The following C2orf42 variants were observed in gnomAD, a reference collection of about 807,000 sequenced individuals.
The protein encoded by C2orf42 is chromosome 2 open reading frame 42, also known as uncharacterized protein C2orf42.
C2orf42 carries 44 observed loss-of-function variants against 58.9 expected under a neutral mutation model. The observed-to-expected ratio is 0.75, with a 90% CI of 0.59 to 0.96. C2orf42 has a LOEUF of 0.96. C2orf42 is among the 40% of genes least tolerant of loss of function. The probability of loss-of-function intolerance (pLI) is 0.00; values close to 1 mark genes in which losing one functional copy is unlikely to be tolerated. For missense variants in C2orf42, 630 were observed against 699.2 expected (o/e 0.90, Z 1.12); for synonymous variants, 239 against 265.4 (o/e 0.90, Z 0.97).
chr2:70,188,579 C>A (rs1456929690), intron 1 of C2orf42, among the ~76,000 whole-genome samples: 1 of 152,176 alleles, frequency 6.6e-6, no homozygotes, highest in Non-Finnish European at 1.5e-5. Flanking sequence ...CCAAACACCA[C>A]TCACCCAGTT....
At chr2:70,177,311 G>A (rs1003205174) in intron 4 of C2orf42, among the ~76,000 whole-genome samples, 1 of 151,830 alleles carries the variant, frequency 6.6e-6, no homozygotes, top group Non-Finnish European at 1.5e-5. Context: ...GTGGTGGCAG[G>A]AGCCTGTAAT....
rs1368276968 is a variant in C2orf42, at chr2:70,181,270, T to A, written c.716A>T (p.Asp239Val). 6.2e-7 allele frequency: 1 copy of A among 1,613,460 alleles called. No individual in the cohort carries two copies. Among genetic ancestry groups the A allele is most frequent in the Non-Finnish European group, 8.5e-7 (1 of 1,179,616 alleles). The change falls in exon 3 of 10, where the codon GAT (aspartate) becomes GTT (valine). Residue 239 changes from aspartate to valine, a missense_variant. By Grantham distance (152) the Asp-to-Val change is radical. Transcript: ENST00000264434. ...ATGAATGCATCTCTGGGCTGTCTCA[T>A]CCTTGGAGGCATTTGACTTGTGCGA... is the stretch of plus-strand genomic sequence containing the variant. Reference protein sequence around the residue: ...LKSHKSNASKDETAQRCIHFF... With the variant: ...LKSHKSNASKVETAQRCIHFF...
At position 70,154,621 on chromosome 2, in the gene C2orf42, A is replaced by G. The variant is rs1672543112; in HGVS notation, c.1517-4057T>C. Among the ~76,000 whole-genome samples the G allele has an allele frequency of 4.6e-5, 7 of 152,236 alleles. No individual in the cohort carries two copies. In the South Asian group the frequency reaches 1.5e-3, roughly 32 times the overall value. On this transcript the variant is annotated intron_variant, in intron 9 of 9. Transcript: ENST00000264434. ...TGTAACTACTAAAAGAAGAACAAAT[A>G]AGTGTTTCTTCTAATAAATGGTTTG...
chr2:70,178,893 C>A (rs2104956850), intron 4 of C2orf42, among the ~76,000 whole-genome samples: 1 of 151,438 alleles, frequency 6.6e-6, no homozygotes, highest in East Asian at 1.9e-4. Flanking sequence ...CCACTGCACT[C>A]CAGCCTGGGC....
Position 70,167,359 on chromosome 2 carries a change from A to C in C2orf42, c.1145-1724T>G, listed in dbSNP as rs573563932. Reference sequence around the variant, plus strand: ...GGCGACAGAGTGAGACTCTGTCTCAAAAAAAAAAAAAGAAAAGAAACTTGT... The same window carrying C: ...GGCGACAGAGTGAGACTCTGTCTCACAAAAAAAAAAAGAAAAGAAACTTGT... On this transcript the variant is annotated intron_variant, in intron 6 of 9. Transcript: ENST00000264434. Among the ~76,000 whole-genome samples, 70 of 147,832 alleles carry C rather than the reference A, an allele frequency of 4.7e-4. No homozygotes were observed. In the South Asian group the frequency reaches 0.014, roughly 30 times the overall value.
At position 70,164,988 on chromosome 2, in the gene C2orf42, C is replaced by T. The variant is rs188715061; in HGVS notation, c.1353+104G>A. 8.8e-4 allele frequency: 468 copies of T among 532,494 alleles called. 4 individuals are homozygous for T. The East Asian group carries it at 0.013, about 14-fold the overall frequency. The allele number at this position is 532,494 out of a possible 1,614,324, so 33.0% of individuals were successfully genotyped here. ...TATCTCTTAGCATGAAAAAAAGAAA[C>T]TCTGGTGTCTGTAACTCAAGGAACC... On this transcript the variant is annotated intron_variant, in intron 8 of 9. Coordinates refer to ENST00000264434, the MANE Select transcript of C2orf42 (RefSeq NM_017880.3).
In C2orf42 at chr2:70,165,199, C is replaced by A; in HGVS notation, c.1253-7G>T. 6.4e-7 allele frequency: 1 copy of A among 1,564,948 alleles called. No individual in the cohort carries two copies. Among genetic ancestry groups the A allele is most frequent in the Non-Finnish European group, 8.7e-7 (1 of 1,143,788 alleles). The stretch of plus-strand genomic sequence containing the variant: ...GCATCTTTCCGAACAAAAGCTTCAA[C>A]GTGAAAAAAGGACAAAATTAGATTA... On this transcript the variant is annotated splice_region_variant and splice_polypyrimidine_tract_variant and intron_variant, in intron 7 of 9. Transcript: ENST00000264434.
intron 9 of C2orf42, among the ~76,000 whole-genome samples, chr2:70,152,361 C>G (rs1314846647): frequency 6.6e-6 from 1 of 152,150 alleles, no homozygotes; most frequent in Non-Finnish European, 1.5e-5. Flanking sequence ...CAAATGATAT[C>G]TGGAGCTGCT....
chr2:70,184,215 T>TAC (rs1333504843), intron 1 of C2orf42, among the ~76,000 whole-genome samples: 6 of 132,348 alleles, frequency 4.5e-5, no homozygotes, highest in African/African-American at 1.2e-4. Flanking sequence ...AATCAGTGGA[T>TAC]AGAAGATGTA....
At chr2:70,150,684 T>G in intron 9 of C2orf42, 120 bp from the exon 10 acceptor site, 1 of 670,132 alleles carries the variant, frequency 1.5e-6, no homozygotes. Context: ...GAAGGCCGAA[T>G]GAGGTTTATA....
Position 70,181,902 on chromosome 2 carries a change from A to G in C2orf42, c.84T>C (p.Cys28=), listed in dbSNP as rs1674606161. ...GKATLRGIRK[C]PRCGTYNGTR... is the part of the protein sequence containing the mutation. ...TTCCATTGTATGTGCCACATCGGGGACACTTTCTGATTCCCCTCAATGTGG... is the reference window on the plus strand; with the variant it reads ...TTCCATTGTATGTGCCACATCGGGGGCACTTTCTGATTCCCCTCAATGTGG... The change falls in exon 3 of 10, where the codon TGT becomes TGC. Residue 28 remains cysteine (C), a synonymous_variant. Transcript: ENST00000264434. The G allele has an allele frequency of 6.2e-7, 1 of 1,613,628 alleles. No homozygotes were observed. The highest frequency in any genetic ancestry group is 1.3e-5 in the African/African-American group (1 of 74,890).
At position 70,160,579 on chromosome 2, in the gene C2orf42, C is replaced by T. The variant is rs748277376; in HGVS notation, c.1516+46G>A. ...GCTTTGGACAGTGTACTGTACTGTT[C>T]ACCAGCTGACACTCAAAGGAAGATG... On this transcript the variant is annotated intron_variant, in intron 9 of 9. Transcript: ENST00000264434. The T allele has an allele frequency of 2.8e-6, 4 of 1,419,310 alleles. No homozygotes were observed. In the Admixed American group the frequency reaches 7.4e-5, roughly 26 times the overall value. 87.9% of individuals were successfully genotyped at this position (1,419,310 alleles called of 1,614,324 possible).
At chr2:70,166,355 A>G (rs1234362095) in intron 6 of C2orf42, among the ~76,000 whole-genome samples, 3 of 149,774 alleles carry the variant, frequency 2.0e-5, no homozygotes, top group Non-Finnish European at 4.4e-5. Flanking sequence ...CCCTCCCTCA[A>G]AAAGGAAAAA....
At chr2:70,158,250 A>G (rs1672812010) in intron 9 of C2orf42, among the ~76,000 whole-genome samples, 1 of 151,976 alleles carries the variant, frequency 6.6e-6, no homozygotes, top group East Asian at 1.9e-4. Flanking sequence ...ACCTCAAAAT[A>G]ATAAAACTAG....
intron 1 of C2orf42, among the ~76,000 whole-genome samples, chr2:70,183,669 G>A (rs1362578043): frequency 2.0e-5 from 3 of 149,496 alleles, no homozygotes; most frequent in African/African-American, 7.4e-5. Context: ...GCCCACCTCA[G>A]ACTCCCAAAG....
intron 6 of C2orf42, among the ~76,000 whole-genome samples, chr2:70,165,997 C>T (rs74183142): frequency 0.22 from 32,704 of 151,408 alleles, 3,789 homozygotes; most frequent in Non-Finnish European, 0.24. Context: ...TTCAAGCAAT[C>T]CTCCTGCCTC....
chr2:70,168,720 C>T (rs1239508576), intron 6 of C2orf42, among the ~76,000 whole-genome samples: 7 of 142,816 alleles, frequency 4.9e-5, no homozygotes, highest in Non-Finnish European at 9.2e-5. Context: ...GTTTATGTCC[C>T]TTTTTTTTTT....
Position 70,181,534 on chromosome 2 carries a change from A to G in C2orf42, c.452T>C (p.Leu151Pro). 1 of 1,613,686 alleles carries G rather than the reference A, an allele frequency of 6.2e-7. No homozygotes were observed. ...NCQAEATPLTLKSSVLNAMQA... is the reference protein window; with the variant it reads ...NCQAEATPLTPKSSVLNAMQA... The stretch of plus-strand genomic sequence containing the variant: ...CATTGCATTCAGGACCGAGCTCTTC[A>G]GGGTCAGAGGGGTGGCCTCTGCCTG... The change falls in exon 3 of 10, where the codon CTG becomes CCG. Residue 151 changes from leucine (L) to proline (P), a missense_variant. Physicochemically the swap from Leu to Pro is moderately conservative, Grantham distance 98. Transcript: ENST00000264434.
intron 6 of C2orf42, among the ~76,000 whole-genome samples, chr2:70,168,384 T>C (rs1308626909): frequency 2.2e-5 from 3 of 134,816 alleles, no homozygotes; most frequent in Middle Eastern, 3.7e-3. Flanking sequence ...ACCTCCTGGG[T>C]TCACGCCATT....
Sources: allele counts gnomAD v4.1 joint callset (sites outside exome capture counted in the v4.1 genomes callset), GRCh38; gene constraint gnomAD v4.1.1; transcripts MANE v1.5; gene names NCBI Gene and HGNC (gene_info 2026-07-23, HGNC 2026-07-21).